The following TEDC2 variants were observed in gnomAD, a reference collection of about 807,000 sequenced individuals.
TEDC2 encodes tubulin epsilon and delta complex protein 2.
Under a neutral mutation model 48.1 loss-of-function variants are expected in TEDC2, and 49 were observed. The ratio of observed to expected loss-of-function variants is 1.02; its 90% CI spans 0.81 to 1.29. TEDC2 has a LOEUF of 1.29. Ranked by LOEUF, TEDC2 falls within the 50% of genes most tolerant of loss-of-function variation. The pLI, the probability that TEDC2 is intolerant of heterozygous loss-of-function variation, is 0.00. For synonymous variants in TEDC2, 299 were observed against 247.1 expected (o/e 1.21, Z -1.97); for missense variants, 631 against 571.4 (o/e 1.10, Z -1.06).
chr16:2,461,344 C>G, intron 4 of TEDC2, 120 bp downstream of exon 4: 1 of 1,274,600 alleles, frequency 7.8e-7, no homozygotes, highest in South Asian at 1.8e-5. Context: ...TGTGGCATAC[C>G]CCTGAGGCTC....
Position 2,464,575 on chromosome 16 carries a change from G to T in TEDC2, c.1209G>T (p.Pro403=). Residue 403 remains proline (P), a synonymous_variant, in exon 10 of 10, where the codon CCG becomes CCT. Coordinates refer to ENST00000361837, the MANE Select transcript of TEDC2 (RefSeq NM_025108.3). ...TAAGCGCTGCACAGCCGCAGGGGCC[G>T]CCCTGGCTGGCCCTGTGCCGGGCTG... The part of the protein sequence containing the change: ...PLVSAAQPQG[P]PWLALCRAVH... The T allele has an allele frequency of 1.2e-6, 2 of 1,607,392 alleles. No individual in the cohort carries two copies. Among genetic ancestry groups the T allele is most frequent in the South Asian group, 1.1e-5 (1 of 90,938 alleles).
chr16:2,463,312 TGCCG>T (rs2065479269), intron 8 of TEDC2, among the ~76,000 whole-genome samples: 1 of 130,502 alleles, frequency 7.7e-6, no homozygotes, highest in African/African-American at 3.0e-5. Flanking sequence ...CAGAGTGAGA[TGCCG>T]TCTCAGAAAA....
Position 2,464,118 on chromosome 16 carries a change from G to A in TEDC2, c.1044G>A (p.Glu348=). 2 of 1,612,840 alleles carry A rather than the reference G, an allele frequency of 1.2e-6. No individual in the cohort carries two copies. The highest frequency in any genetic ancestry group is 8.5e-7 in the Non-Finnish European group (1 of 1,179,972). The change falls in exon 9 of 10, where the codon GAG becomes GAA. Residue 348 remains glutamate (E), a synonymous_variant. Coordinates refer to ENST00000361837, the MANE Select transcript of TEDC2 (RefSeq NM_025108.3). ...GASPSCGGRA[E]PAWSPQLLVY... is the part of the protein sequence containing the mutation. ...CGCCGTCCTGTGGGGGTAGAGCGGA[G>A]CCTGCATGGAGCCCCCAGCTGCTTG...
In TEDC2 at chr16:2,461,481, G is replaced by A. The variant is rs2065466347; in HGVS notation, c.605+257G>A. On this transcript the variant is annotated intron_variant, in intron 4 of 9. Coordinates refer to ENST00000361837, the MANE Select transcript of TEDC2 (RefSeq NM_025108.3). The stretch of plus-strand genomic sequence containing the variant: ...GCTGTCCCCTTATTTGCCCAGGCCA[G>A]AGGCTCCAGATGGGCTCTGGAGGGC... 4.6e-6 allele frequency: 3 copies of A among 646,854 alleles called. No homozygotes were observed. The African/African-American group carries it at 5.5e-5, about 12-fold the overall frequency. 40.1% of individuals were successfully genotyped at this position (646,854 alleles called of 1,614,324 possible).
chr16:2,464,857 C>G lies in TEDC2; in HGVS notation c.*189C>G, dbSNP rs1047675469. On this transcript the variant is annotated 3_prime_UTR_variant, in exon 10 of 10. Coordinates refer to ENST00000361837, the MANE Select transcript of TEDC2 (RefSeq NM_025108.3). ...GGGCTGGCTTTCAGCCTTCCTAAGGCTCCTGGACTCCAGAGGCCAGCGGGG... is the reference window on the plus strand; with the variant it reads ...GGGCTGGCTTTCAGCCTTCCTAAGGGTCCTGGACTCCAGAGGCCAGCGGGG... 1 of 756,974 alleles carries G rather than the reference C, an allele frequency of 1.3e-6. No individual in the cohort carries two copies. The highest frequency in any genetic ancestry group is 2.8e-5 in the East Asian group (1 of 35,662). 46.9% of individuals were successfully genotyped at this position (756,974 alleles called of 1,614,324 possible).
rs756128308 is a variant in TEDC2 at position 2,464,584 on chromosome 16, G to C, written c.1218G>C (p.Leu406=). The C allele has an allele frequency of 3.1e-6, 5 of 1,609,594 alleles. No individual in the cohort carries two copies. In the South Asian group the frequency reaches 5.5e-5, roughly 18 times the overall value. Residue 406 remains leucine, a synonymous_variant, in exon 10 of 10, where the codon CTG becomes CTC. Transcript: ENST00000361837. The part of the protein sequence containing the change: ...SAAQPQGPPW[L]ALCRAVHSLL... ...CACAGCCGCAGGGGCCGCCCTGGCT[G>C]GCCCTGTGCCGGGCTGTGCACAGCC...
In TEDC2 at chr16:2,464,565, C is replaced by T. The variant is rs772835265; in HGVS notation, c.1199C>T (p.Pro400Leu). Residue 400 changes from proline to leucine, a missense_variant, in exon 10 of 10, where the codon CCG becomes CTG. Coordinates refer to ENST00000361837, the MANE Select transcript of TEDC2 (RefSeq NM_025108.3). ...ELLPLVSAAQ[P>L]QGPPWLALCR... ...CTCCCCCTGGTAAGCGCTGCACAGC[C>T]GCAGGGGCCGCCCTGGCTGGCCCTG... 40 of 1,604,086 alleles carry T rather than the reference C, an allele frequency of 2.5e-5. 1 individual carries two copies. The highest frequency in any genetic ancestry group is 9.9e-5 in the South Asian group (9 of 90,662).
At chr16:2,463,157 T>TAAAAATATAA (rs2065478113) in intron 8 of TEDC2, among the ~76,000 whole-genome samples, 1 of 150,040 alleles carries the variant, frequency 6.7e-6, no homozygotes, top group African/African-American at 2.5e-5. Flanking sequence ...CTGTCTCTAC[T>TAAAAATATAA]AAAAATATAA....
chr16:2,462,035 GC>G, intron 5 of TEDC2, 113 bp from the exon 6 acceptor site: 1 of 1,227,816 alleles, frequency 8.1e-7, no homozygotes. Flanking sequence ...AGAGCCAGAC[GC>G]CCAGCCTGGG....
rs1248332694 is a variant in TEDC2, at chr16:2,464,206, G to T, written c.1132G>T (p.Asp378Tyr). Reference protein sequence around the residue: ...AALKLRVAVLDQQIHLEKVLM... With the variant: ...AALKLRVAVLYQQIHLEKVLM... ...CCTCAAGCTGCGAGTGGCTGTGCTG[G>T]ACCAGCAGATCCACTTGGAAAAGGT... Residue 378 changes from aspartate (D) to tyrosine (Y), a missense_variant, in exon 9 of 10, where the codon GAC (aspartate) becomes TAC (tyrosine). Asp to Tyr is a radical substitution (Grantham distance 160). Coordinates refer to ENST00000361837, the MANE Select transcript of TEDC2 (RefSeq NM_025108.3). 1.9e-6 allele frequency: 3 copies of T among 1,612,054 alleles called. No individual in the cohort carries two copies. Among genetic ancestry groups the T allele is most frequent in the South Asian group, 2.2e-5 (2 of 90,916 alleles).
chr16:2,463,627 C>CAA (rs56380126), intron 8 of TEDC2, among the ~76,000 whole-genome samples: 1,418 of 103,236 alleles, frequency 0.014, 19 homozygotes, highest in African/African-American at 0.044. Context: ...ACTCCGTCTC[C>CAA]AAAAAAAAAA....
chr16:2,461,016 GC>G lies in TEDC2; in HGVS notation c.398del (p.Ala133ValfsTer145), dbSNP rs1176949537. On this transcript the variant is annotated frameshift_variant, in exon 4 of 10. Coordinates refer to ENST00000361837, the MANE Select transcript of TEDC2 (RefSeq NM_025108.3). LOFTEE classifies it high-confidence loss of function. ...PHSPGQAGGH[A>X]SDTRPTKGLR... ...TTCCCCAGGCCAAGCTGGTGGCCAT[GC>G]TTCAGACACGAGACCCACCAAGGGC... 6.2e-7 allele frequency: 1 copy of G among 1,612,804 alleles called. No individual in the cohort carries two copies. Among genetic ancestry groups the G allele is most frequent in the Admixed American group, 1.7e-5 (1 of 60,012 alleles).
intron 9 of TEDC2, 110 bp downstream of exon 9, chr16:2,464,339 C>A: frequency 7.0e-7 from 1 of 1,419,064 alleles, no homozygotes; most frequent in East Asian, 2.5e-5. Context: ...TGGGGGCAAG[C>A]CTGGGGTCTG....
chr16:2,461,569 G>A, intron 4 of TEDC2, 178 bp from the exon 5 acceptor site: 1 of 729,664 alleles, frequency 1.4e-6, no homozygotes, highest in Non-Finnish European at 2.3e-6. Flanking sequence ...GGGCAGCACT[G>A]GACGATGCTT....
Position 2,464,119 on chromosome 16 carries a change from C to G in TEDC2, c.1045C>G (p.Pro349Ala). The G allele has an allele frequency of 1.9e-6, 3 of 1,612,816 alleles. No individual in the cohort carries two copies. Among genetic ancestry groups the G allele is most frequent in the Non-Finnish European group, 2.5e-6 (3 of 1,179,970 alleles). ...ASPSCGGRAEPAWSPQLLVYS... is the reference protein window; with the variant it reads ...ASPSCGGRAEAAWSPQLLVYS... ...GCCGTCCTGTGGGGGTAGAGCGGAG[C>G]CTGCATGGAGCCCCCAGCTGCTTGT... The change falls in exon 9 of 10, where the codon CCT becomes GCT. Residue 349 changes from proline (P) to alanine (A), a missense_variant. Physicochemically the swap from Pro to Ala is conservative, Grantham distance 27. Coordinates refer to ENST00000361837, the MANE Select transcript of TEDC2 (RefSeq NM_025108.3).
intron 2 of TEDC2, 74 bp from the exon 3 acceptor site, chr16:2,460,549 C>A: frequency 6.3e-7 from 1 of 1,577,584 alleles, no homozygotes; most frequent in South Asian, 1.1e-5. Context: ...GCCGCGGGGC[C>A]CGGCGGCCCC....
At chr16:2,462,775 GC>G (rs1345150056) in intron 8 of TEDC2, 43 bp downstream of exon 8, 19 of 1,487,004 alleles carry the variant, frequency 1.3e-5, no homozygotes, top group Non-Finnish European at 1.5e-5. Flanking sequence ...TGAGGTCTGG[GC>G]CGGGGACAGG....
chr16:2,464,349 G>A, intron 9 of TEDC2, 120 bp downstream of exon 9: 1 of 1,377,506 alleles, frequency 7.3e-7, no homozygotes, highest in Non-Finnish European at 9.8e-7. Context: ...CCTGGGGTCT[G>A]TGTGTGTGGG....
Position 2,460,911 on chromosome 16 carries a change from GGA to G in TEDC2, c.301_302del (p.Asp101GlnfsTer8), listed in dbSNP as rs751851823. ...VRVRRGITKA[G>X]ERDKAPSLKS... ...AGTTCGAAGAGGCATCACTAAGGCC[GGA>G]GAGAGAGACAAGGCCCCCAGCCTGA... On this transcript the variant is annotated frameshift_variant, in exon 4 of 10. Coordinates refer to ENST00000361837, the MANE Select transcript of TEDC2 (RefSeq NM_025108.3). LOFTEE classifies it high-confidence loss of function. 4 of 1,613,602 alleles carry G rather than the reference GGA, an allele frequency of 2.5e-6. No homozygotes were observed. The highest frequency in any genetic ancestry group is 2.2e-5 in the East Asian group (1 of 44,886).
Sources: gnomAD v4.1 joint callset for allele counts (sites outside exome capture counted in the v4.1 genomes callset) on GRCh38, gnomAD v4.1.1 for gene constraint, MANE v1.5 for transcripts, NCBI Gene and HGNC (gene_info 2026-07-23, HGNC 2026-07-21) for gene names.